Variants in PPARG observed in about 807,000 individuals in gnomAD.
PPARG encodes peroxisome proliferator-activated receptor gamma.
PPARG carries 17 observed loss-of-function variants against 39.2 expected under a neutral mutation model. The ratio of observed to expected loss-of-function variants is 0.43; its 90% confidence interval spans 0.30 to 0.65. PPARG has a LOEUF of 0.65. Among genes scored for constraint, PPARG ranks in the 30% least tolerant of loss-of-function variants. The pLI is 0.13. For missense variants in PPARG, 406 were observed against 585.9 expected (o/e 0.69, Z 3.17); for synonymous variants, 223 against 215.7 (o/e 1.03, Z -0.30).
At chr3:12,387,607 C>T (rs943060383) in intron 4 of PPARG, among the ~76,000 whole-genome samples, 3 of 152,100 alleles carry the variant, frequency 2.0e-5, no homozygotes, top group African/African-American at 4.8e-5. Context: ...TTTGTAGATT[C>T]TGGATATTAG....
At chr3:12,421,611 A>C (rs1039388723) in intron 7 of PPARG, among the ~76,000 whole-genome samples, 1 of 152,196 alleles carries the variant, frequency 6.6e-6, no homozygotes, top group African/African-American at 2.4e-5. Flanking sequence ...TTGTTAATTC[A>C]AAACAGTTTG....
chr3:12,325,915 T>C lies in PPARG; in HGVS notation c.-9+13462T>C, dbSNP rs183344008. 2.6e-3 allele frequency among the ~76,000 whole-genome samples: 395 copies of C among 152,302 alleles called. 5 individuals carry two copies. Among genetic ancestry groups the C allele is most frequent in the Non-Finnish European group, 2.4e-4 (16 of 68,030 alleles). ...AGTATTCCAGTTTTCGGTCGTTCAT[T>C]AGTTTAAATGTTACCAATAATATTT... On this transcript the variant is annotated intron_variant, in intron 2 of 7. Coordinates refer to ENST00000651735, the MANE Select transcript of PPARG (RefSeq NM_138711.6).
intron 2 of PPARG, among the ~76,000 whole-genome samples, chr3:12,341,433 G>A (rs1366433878): frequency 6.6e-6 from 1 of 152,208 alleles, no homozygotes; most frequent in Non-Finnish European, 1.5e-5. Flanking sequence ...AATTAAACAA[G>A]CAGTCTTCCT....
chr3:12,429,013 G>T (rs2051556811), intron 7 of PPARG, among the ~76,000 whole-genome samples: 1 of 152,182 alleles, frequency 6.6e-6, no homozygotes, highest in Admixed American at 6.5e-5. Flanking sequence ...CACAGAGCTG[G>T]TGAGTGAAAG....
intron 5 of PPARG, among the ~76,000 whole-genome samples, chr3:12,397,711 A>G (rs1474636150): frequency 6.6e-6 from 1 of 151,916 alleles, no homozygotes; most frequent in Non-Finnish European, 1.5e-5. Context: ...CGTCTGGCTA[A>G]CCTATTCCTT....
chr3:12,297,391 G>C (rs987514719), intron 1 of PPARG, among the ~76,000 whole-genome samples: 1 of 151,986 alleles, frequency 6.6e-6, no homozygotes, highest in African/African-American at 2.4e-5. Flanking sequence ...AGGGCTTTTT[G>C]TTTGTTTTTA....
intron 1 of PPARG, among the ~76,000 whole-genome samples, chr3:12,293,886 T>C (rs1338722370): frequency 6.6e-6 from 1 of 152,196 alleles, no homozygotes; most frequent in Non-Finnish European, 1.5e-5. Context: ...ACCACACCCC[T>C]CTGGCTGTCA....
At chr3:12,418,478 C>T (rs145711916) in intron 7 of PPARG, among the ~76,000 whole-genome samples, 7 of 152,272 alleles carry the variant, frequency 4.6e-5, no homozygotes, top group African/African-American at 1.2e-4. Flanking sequence ...ATAAAGAGCA[C>T]GATCCCTTTG....
intron 2 of PPARG, among the ~76,000 whole-genome samples, chr3:12,361,947 A>G (rs2048859385): frequency 6.6e-6 from 1 of 152,212 alleles, no homozygotes; most frequent in African/African-American, 2.4e-5. Flanking sequence ...GAGTCCTTCA[A>G]TCCATGAACA....
At chr3:12,432,270 C>T (rs1257895634) in intron 7 of PPARG, among the ~76,000 whole-genome samples, 1 of 152,154 alleles carries the variant, frequency 6.6e-6, no homozygotes, top group African/African-American at 2.4e-5. Flanking sequence ...AACTCTAAAC[C>T]AGTATCACCT....
intron 4 of PPARG, among the ~76,000 whole-genome samples, chr3:12,386,764 C>T (rs955097324): frequency 6.6e-6 from 1 of 152,072 alleles, no homozygotes; most frequent in Non-Finnish European, 1.5e-5. Context: ...TACATGTGCA[C>T]AACGTGCAGG....
rs1016816968 is a variant in PPARG, at chr3:12,312,435, C to T, written c.-27C>T. On this transcript the variant is annotated 5_prime_UTR_variant, in exon 2 of 8. In the 5' UTR this introduces an upstream ATG that the reference lacks. Coordinates refer to ENST00000651735, the MANE Select transcript of PPARG (RefSeq NM_138711.6). ...TATACAACAAGGCCATTTTCTCAAA[C>T]GAGAGTCAGCCTTTAACGGTAAGTA... The T allele has an allele frequency of 5.3e-5, 8 of 152,176 alleles. No homozygotes were observed. The South Asian group carries it at 8.3e-4, about 16-fold the overall frequency. 9.4% of individuals were successfully genotyped at this position (152,176 alleles called of 1,614,324 possible). A position where few individuals can be genotyped will look rare whatever the true frequency, so the allele number is the denominator to read the frequency against.
At chr3:12,372,083 C>G (rs1205694389) in intron 2 of PPARG, 1 of 721,012 alleles carries the variant, frequency 1.4e-6, no homozygotes. Flanking sequence ...TCCAACAAAA[C>G]TACAAAGGAC....
intron 2 of PPARG, among the ~76,000 whole-genome samples, chr3:12,372,664 A>C (rs773712974): frequency 3.9e-5 from 6 of 152,174 alleles, no homozygotes; most frequent in Non-Finnish European, 5.9e-5. Context: ...GGTAAAGCAT[A>C]TATTTCTGGT....
rs539258714 is a variant in PPARG, at chr3:12,408,552, C to G, written c.729+2471C>G. On this transcript the variant is annotated intron_variant, in intron 6 of 7. Transcript: ENST00000651735. ...ACTATCTACAGTTTTGGTTAGTTTT[C>G]TTTTCTTTTCTTTTCTTTTTTTTTT... is the stretch of plus-strand genomic sequence containing the variant. Among the ~76,000 whole-genome samples the G allele has an allele frequency of 1.7e-4, 23 of 135,082 alleles. No homozygotes were observed. The East Asian group carries it at 4.6e-3, about 27-fold the overall frequency. The allele number at this position is 135,082 out of a possible 152,430, so 88.6% of individuals were successfully genotyped here.
intron 4 of PPARG, among the ~76,000 whole-genome samples, chr3:12,386,419 A>T (rs2049874737): frequency 6.6e-6 from 1 of 152,166 alleles, no homozygotes; most frequent in African/African-American, 2.4e-5. Flanking sequence ...ATGATTATTC[A>T]TTGAAAGACC....
At chr3:12,360,343 A>G (rs2048803204) in intron 2 of PPARG, among the ~76,000 whole-genome samples, 1 of 152,128 alleles carries the variant, frequency 6.6e-6, no homozygotes, top group African/African-American at 2.4e-5. Flanking sequence ...GAATTGAATA[A>G]TTTTTAAGTG....
chr3:12,322,694 T>C (rs554502750), intron 2 of PPARG, among the ~76,000 whole-genome samples: 2 of 152,318 alleles, frequency 1.3e-5, no homozygotes, highest in East Asian at 3.9e-4. Flanking sequence ...AATTTGGACT[T>C]GGTCTGGGAG....
chr3:12,324,492 CAA>C (rs1226347155), intron 2 of PPARG, among the ~76,000 whole-genome samples: 1 of 152,084 alleles, frequency 6.6e-6, no homozygotes, highest in African/African-American at 2.4e-5. Flanking sequence ...TCTCAAAAAA[CAA>C]AGACTACATG....
Sources: allele counts gnomAD v4.1 joint callset (sites outside exome capture counted in the v4.1 genomes callset), GRCh38; gene constraint gnomAD v4.1.1; transcripts MANE v1.5; gene names NCBI Gene and HGNC (gene_info 2026-07-23, HGNC 2026-07-21).